The following PCDH15 variants were observed in gnomAD, a reference collection of about 807,000 sequenced individuals.
PCDH15 encodes the protein protocadherin-15.
Under a neutral mutation model 178.5 loss-of-function variants are expected in PCDH15, and 129 were observed. The observed-to-expected ratio is 0.72, with a 90% confidence interval of 0.63 to 0.84. The LOEUF (loss-of-function observed/expected upper bound fraction) is 0.84. PCDH15 is among the 40% of genes least tolerant of loss of function. The probability of loss-of-function intolerance (pLI) is 0.00; values close to 1 mark genes in which losing one functional copy is unlikely to be tolerated. For synonymous variants in PCDH15, 800 were observed against 732.0 expected (o/e 1.09, Z -1.50); for missense variants, 2,230 against 2,099.9 (o/e 1.06, Z -1.21).
At chr10:55,348,685 G>A (rs920512533) in intron 2 of PCDH15, among the ~76,000 whole-genome samples, 1 of 152,090 alleles carries the variant, frequency 6.6e-6, no homozygotes, top group Non-Finnish European at 1.5e-5. Flanking sequence ...AAAACTTTAA[G>A]GATGTCTGTA....
At chr10:55,545,602 G>T (rs970467024) in intron 2 of PCDH15, among the ~76,000 whole-genome samples, 1 of 150,902 alleles carries the variant, frequency 6.6e-6, no homozygotes, top group Non-Finnish European at 1.5e-5. Flanking sequence ...GTAGAGACAG[G>T]GTTTCACCAT....
At chr10:55,264,334 C>A (rs1842225759) in intron 1 of PCDH15, among the ~76,000 whole-genome samples, 1 of 152,138 alleles carries the variant, frequency 6.6e-6, no homozygotes, top group African/African-American at 2.4e-5. Context: ...CACCCCCAAC[C>A]CCACAGAAGG....
intron 18 of PCDH15, among the ~76,000 whole-genome samples, chr10:54,033,335 T>C (rs982594401): frequency 2.1e-4 from 32 of 152,048 alleles, no homozygotes; most frequent in African/African-American, 7.7e-4. Flanking sequence ...CACAGATATA[T>C]TTATGTATAT....
intron 2 of PCDH15, among the ~76,000 whole-genome samples, chr10:55,622,122 TA>T (rs1460788763): frequency 1.5e-4 from 10 of 68,614 alleles, no homozygotes; most frequent in Non-Finnish European, 2.2e-4. Context: ...TATCTATAAA[TA>T]TATATATTAT....
rs149742552 is a variant in PCDH15 at position 53,942,445 on chromosome 10, C to G, written c.3123-1470G>C. 2.8e-3 allele frequency among the ~76,000 whole-genome samples: 423 copies of G among 152,292 alleles called. 2 individuals are homozygous for G. Among genetic ancestry groups the G allele is most frequent in the African/African-American group, 9.8e-3 (406 of 41,568 alleles). On this transcript the variant is annotated intron_variant, in intron 23 of 37. Transcript: ENST00000644397. Reference sequence around the variant, plus strand: ...CTCTGGTCAATGGGGGCATTTTATCCTTTGCTCAGTGTTCATGTGATGTAT... The same window carrying G: ...CTCTGGTCAATGGGGGCATTTTATCGTTTGCTCAGTGTTCATGTGATGTAT...
intron 2 of PCDH15, among the ~76,000 whole-genome samples, chr10:55,117,550 C>T (rs1216371703): frequency 6.6e-6 from 1 of 152,154 alleles, no homozygotes; most frequent in South Asian, 2.1e-4. Context: ...CATCCAATTG[C>T]TTTCTGACAG....
chr10:55,388,101 A>G (rs1345627031), intron 2 of PCDH15, among the ~76,000 whole-genome samples: 1 of 152,060 alleles, frequency 6.6e-6, no homozygotes, highest in African/African-American at 2.4e-5. Flanking sequence ...TGCGGAATAG[A>G]TGACTTTTAC....
intron 2 of PCDH15, among the ~76,000 whole-genome samples, chr10:55,153,902 G>C (rs1838806718): frequency 6.6e-6 from 1 of 152,188 alleles, no homozygotes; most frequent in Non-Finnish European, 1.5e-5. Context: ...TTGTGAGCCA[G>C]AGTTGTCAAA....
chr10:54,891,783 G>A (rs1339702114), intron 3 of PCDH15, among the ~76,000 whole-genome samples: 2 of 152,130 alleles, frequency 1.3e-5, no homozygotes, highest in African/African-American at 4.8e-5. Flanking sequence ...TTGTAGCAAG[G>A]ACAGGTGGTT....
At chr10:54,307,033 T>C (rs1591707028) in intron 8 of PCDH15, among the ~76,000 whole-genome samples, 1 of 23,370 alleles carries the variant, frequency 4.3e-5, no homozygotes, top group African/African-American at 1.6e-4. Flanking sequence ...TATATATGTG[T>C]GTGTGTGTAT....
intron 6 of PCDH15, among the ~76,000 whole-genome samples, chr10:54,333,514 A>C (rs796255485): frequency 6.6e-6 from 1 of 151,924 alleles, no homozygotes; most frequent in African/African-American, 2.4e-5. Flanking sequence ...ATCAACCCTA[A>C]GTAAAAGTCT....
chr10:55,438,519 A>C (rs912025168), intron 2 of PCDH15, among the ~76,000 whole-genome samples: 4 of 152,114 alleles, frequency 2.6e-5, no homozygotes, highest in African/African-American at 9.6e-5. Flanking sequence ...ATTAATCACA[A>C]CTCCTTAAGA....
rs1322486338 is a variant in PCDH15 at position 54,870,680 on chromosome 10, G to A, written c.-29+26770C>T. Among the ~76,000 whole-genome samples, 4 of 152,106 alleles carry A rather than the reference G, an allele frequency of 2.6e-5. No individual in the cohort carries two copies. The East Asian group carries it at 5.8e-4, about 22-fold the overall frequency. On this transcript the variant is annotated intron_variant, in intron 3 of 5. Coordinates refer to the PCDH15 transcript ENST00000458638. ...GGGCGCCTGTAGTCCCAGCTACTCC[G>A]GAGGCTGAGGCAGAAGAATGGCGTG...
intron 2 of PCDH15, among the ~76,000 whole-genome samples, chr10:55,028,222 T>C (rs1009436415): frequency 5.3e-5 from 8 of 151,882 alleles, no homozygotes; most frequent in Non-Finnish European, 1.2e-4. Context: ...AAATTGCTAA[T>C]GATAATATGG....
intron 26 of PCDH15, among the ~76,000 whole-genome samples, chr10:53,889,490 A>G (rs1269467358): frequency 2.0e-5 from 3 of 152,178 alleles, no homozygotes; most frequent in Non-Finnish European, 4.4e-5. Flanking sequence ...CTACTAGGGA[A>G]TGGTAAACGA....
intron 2 of PCDH15, among the ~76,000 whole-genome samples, chr10:55,600,363 TAA>T (rs34329607): frequency 2.8e-5 from 4 of 141,380 alleles, no homozygotes; most frequent in African/African-American, 7.8e-5. Flanking sequence ...GACTCTGTCT[TAA>T]AAAAAAAAAA....
chr10:54,056,708 C>A (rs1388183324), intron 18 of PCDH15, among the ~76,000 whole-genome samples: 2 of 152,104 alleles, frequency 1.3e-5, no homozygotes, highest in East Asian at 3.9e-4. Flanking sequence ...ATTTCAAAAC[C>A]AATCATGCCT....
At chr10:53,955,148 A>G (rs967599518) in intron 23 of PCDH15, among the ~76,000 whole-genome samples, 1 of 152,168 alleles carries the variant, frequency 6.6e-6, no homozygotes, top group African/African-American at 2.4e-5. Flanking sequence ...TGAAATGTGC[A>G]ATTCTCACCT....
rs71299262 is a variant in PCDH15, at chr10:54,679,211, A to AC, written c.-28-14922dup. 2.3e-3 allele frequency among the ~76,000 whole-genome samples: 347 copies of AC among 147,794 alleles called. 2 individuals carry two copies. Among genetic ancestry groups the AC allele is most frequent in the Non-Finnish European group, 3.0e-3 (200 of 66,816 alleles). On this transcript the variant is annotated intron_variant, in intron 1 of 37. Coordinates refer to ENST00000644397, the MANE Select transcript of PCDH15 (RefSeq NM_001384140.1). ...TCTCAAAAAAAAAAAAAAAAAAAAA[A>AC]CATACAATTGACAATAATATATGTG...
Sources: gnomAD v4.1 joint callset for allele counts (sites outside exome capture counted in the v4.1 genomes callset) on GRCh38, gnomAD v4.1.1 for gene constraint, MANE v1.5 for transcripts, NCBI Gene and HGNC (gene_info 2026-07-23, HGNC 2026-07-21) for gene names.